The following ST7 variants were observed in gnomAD, a reference collection of about 807,000 sequenced individuals.
ST7 encodes suppression of tumorigenicity 7, also known as suppressor of tumorigenicity 7 protein.
Under a neutral mutation model 78.7 loss-of-function variants are expected in ST7, and 28 were observed. That is an observed-to-expected ratio of 0.36 (90% CI 0.26 to 0.49). The LOEUF (loss-of-function observed/expected upper bound fraction) is 0.49. ST7 is among the 20% of genes least tolerant of loss of function. The pLI, the probability that ST7 is intolerant of heterozygous loss-of-function variation, is 0.99. For synonymous variants in ST7, 247 were observed against 249.6 expected (o/e 0.99, Z 0.10); for missense variants, 418 against 696.0 (o/e 0.60, Z 4.49).
intron 1 of ST7, among the ~76,000 whole-genome samples, chr7:116,998,354 G>C (rs948275876): frequency 6.6e-6 from 1 of 152,222 alleles, no homozygotes; most frequent in African/African-American, 2.4e-5. Context: ...GCCGTGTGCA[G>C]CCCTGGTTCC....
At chr7:116,956,567 G>A in intron 1 of ST7, 1 of 471,206 alleles carries the variant, frequency 2.1e-6, no homozygotes, top group Non-Finnish European at 4.4e-6. Context: ...CAATCAGGCA[G>A]CCAGGAGCCA....
At chr7:117,178,673 A>T (rs1443018535) in intron 10 of ST7, among the ~76,000 whole-genome samples, 1 of 152,198 alleles carries the variant, frequency 6.6e-6, no homozygotes, top group Non-Finnish European at 1.5e-5. Context: ...TGATCCTTTT[A>T]AAACTACGTC....
chr7:117,194,472 TC>T (rs1810097225), intron 12 of ST7, among the ~76,000 whole-genome samples: 1 of 152,216 alleles, frequency 6.6e-6, no homozygotes, highest in South Asian at 2.1e-4. Context: ...GTCTGTCTCC[TC>T]CGTGGTGTCT....
At chr7:117,149,600 T>TA (rs1806087354) in intron 9 of ST7, among the ~76,000 whole-genome samples, 1 of 149,320 alleles carries the variant, frequency 6.7e-6, no homozygotes, top group African/African-American at 2.5e-5. Context: ...ACCTTTTTTT[T>TA]TTTTTTTTTT....
chr7:117,075,852 T>G (rs1799302764), intron 1 of ST7, among the ~76,000 whole-genome samples: 1 of 152,188 alleles, frequency 6.6e-6, no homozygotes, highest in Non-Finnish European at 1.5e-5. Flanking sequence ...AATTGACCCT[T>G]CTGGCATTAA....
At chr7:117,068,521 G>A (rs1584559173) in intron 1 of ST7, among the ~76,000 whole-genome samples, 1 of 152,102 alleles carries the variant, frequency 6.6e-6, no homozygotes, top group South Asian at 2.1e-4. Flanking sequence ...ATAATTGAGC[G>A]GTGCTCCTGA....
chr7:117,210,099 C>T (rs922298797), intron 13 of ST7, among the ~76,000 whole-genome samples, 162 bp downstream of exon 13: 10 of 152,164 alleles, frequency 6.6e-5, no homozygotes, highest in Admixed American at 3.9e-4. Flanking sequence ...TCCCATCCCC[C>T]GGTGGTGGTG....
chr7:117,073,644 T>C (rs1799136465), intron 1 of ST7, among the ~76,000 whole-genome samples: 1 of 152,190 alleles, frequency 6.6e-6, no homozygotes, highest in Non-Finnish European at 1.5e-5. Flanking sequence ...ATGACTCAAG[T>C]CCTTAACTTC....
At chr7:117,043,932 T>G (rs1332785321) in intron 1 of ST7, among the ~76,000 whole-genome samples, 1 of 152,220 alleles carries the variant, frequency 6.6e-6, no homozygotes, top group African/African-American at 2.4e-5. Flanking sequence ...CAGTTTTCCT[T>G]AATTACATTT....
intron 10 of ST7, among the ~76,000 whole-genome samples, chr7:117,179,606 G>T (rs1388861333): frequency 6.6e-6 from 1 of 152,142 alleles, no homozygotes; most frequent in African/African-American, 2.4e-5. Flanking sequence ...CAATTGGCAT[G>T]GCTTATTTGG....
intron 14 of ST7, among the ~76,000 whole-genome samples, chr7:117,220,133 C>G (rs1415835813): frequency 2.0e-5 from 3 of 152,182 alleles, no homozygotes; most frequent in African/African-American, 7.2e-5. Context: ...CCTTAGAGCC[C>G]TGGGTGCATA....
chr7:117,036,253 C>T (rs543788792), intron 1 of ST7, among the ~76,000 whole-genome samples: 1 of 152,338 alleles, frequency 6.6e-6, no homozygotes, highest in African/African-American at 2.4e-5. Context: ...CAGTTAGCCA[C>T]CTCCCTAATG....
rs538932081 is a variant in ST7 at position 117,072,820 on chromosome 7, T to C, written c.152-26942T>C. ...CAAGGTCGGTGGGCAGGAGCCAGAA[T>C]TGAGAAAGTGACGCAGTCACTTCAG... On this transcript the variant is annotated intron_variant, in intron 1 of 15. Transcript: ENST00000323984. 3.3e-5 allele frequency: 5 copies of C among 152,256 alleles called. No homozygotes were observed. The South Asian group carries it at 6.2e-4, about 19-fold the overall frequency. The allele number at this position is 152,256 out of a possible 1,614,324, so 9.4% of individuals were successfully genotyped here.
intron 1 of ST7, among the ~76,000 whole-genome samples, chr7:117,044,863 T>TCAAACCTGCTCATC (rs1797413766): frequency 6.6e-6 from 1 of 152,182 alleles, no homozygotes. Context: ...AGTTGCCTAG[T>TCAAACCTGCTCATC]CAGCATCTTC....
At chr7:117,194,207 C>T (rs565082344) in intron 12 of ST7, among the ~76,000 whole-genome samples, 1 of 152,288 alleles carries the variant, frequency 6.6e-6, no homozygotes, top group South Asian at 2.1e-4. Context: ...ACAGAATTGT[C>T]ACTCCCTCCT....
At chr7:117,000,543 C>T (rs1255708839) in intron 1 of ST7, among the ~76,000 whole-genome samples, 6 of 152,182 alleles carry the variant, frequency 3.9e-5, no homozygotes, top group Non-Finnish European at 8.8e-5. Context: ...GCAGCTTGTT[C>T]GAGAGCCTGT....
intron 14 of ST7, among the ~76,000 whole-genome samples, chr7:117,221,500 C>T (rs765379184): frequency 6.6e-5 from 10 of 152,174 alleles, no homozygotes; most frequent in South Asian, 2.1e-4. Context: ...AAAATATAGA[C>T]GGGATACCTT....
intron 1 of ST7, chr7:116,966,244 TTTC>T: frequency 1.1e-5 from 3 of 271,696 alleles, no homozygotes; most frequent in South Asian, 3.9e-5. Context: ...TTCTTTTTTC[TTTC>T]TTTTTTTTTT....
At chr7:116,960,854 G>T (rs1424837217) in intron 1 of ST7, among the ~76,000 whole-genome samples, 1 of 152,082 alleles carries the variant, frequency 6.6e-6, no homozygotes, top group African/African-American at 2.4e-5. Flanking sequence ...TGCTTTTATT[G>T]TAGTTGCTTT....
Sources: gnomAD v4.1 joint callset for allele counts (sites outside exome capture counted in the v4.1 genomes callset) on GRCh38, gnomAD v4.1.1 for gene constraint, MANE v1.5 for transcripts, NCBI Gene and HGNC (gene_info 2026-07-23, HGNC 2026-07-21) for gene names.